The following AKAP6 variants were observed in gnomAD, a reference collection of about 807,000 sequenced individuals.
AKAP6 encodes the protein A-kinase anchoring protein 6.
In AKAP6, 58 loss-of-function variants were observed where a neutral mutation model predicts 188.5. The observed-to-expected ratio is 0.31, with a 90% CI of 0.25 to 0.38. The LOEUF is 0.38. Ranked by LOEUF, AKAP6 falls within the 10% of genes least tolerant of loss-of-function variation. The pLI is 1.00. For synonymous variants in AKAP6, 989 were observed against 998.6 expected (o/e 0.99, Z 0.18); for missense variants, 2,710 against 2,740.0 (o/e 0.99, Z 0.24).
At chr14:32,827,251 G>GA (rs1355718487) in intron 13 of AKAP6, among the ~76,000 whole-genome samples, 1 of 151,644 alleles carries the variant, frequency 6.6e-6, no homozygotes, top group African/African-American at 2.4e-5. Flanking sequence ...TTCAGAAAAA[G>GA]AAAAAGAAAA....
At chr14:32,479,759 G>A (rs983028611) in intron 2 of AKAP6, among the ~76,000 whole-genome samples, 3 of 149,286 alleles carry the variant, frequency 2.0e-5, no homozygotes, top group African/African-American at 4.9e-5. Context: ...GAGACCCCTT[G>A]CCTTTCTGTC....
At chr14:32,735,992 C>A in intron 11 of AKAP6, 110 bp downstream of exon 11, 1 of 794,260 alleles carries the variant, frequency 1.3e-6, no homozygotes, top group Non-Finnish European at 1.9e-6. Context: ...CACTGTGCAC[C>A]TAAATGTTTC....
chr14:32,648,701 T>A (rs930864354), intron 7 of AKAP6, among the ~76,000 whole-genome samples: 2 of 152,138 alleles, frequency 1.3e-5, no homozygotes, highest in African/African-American at 4.8e-5. Context: ...AAAAGCATAC[T>A]CTGTGTTTGT....
At chr14:32,565,257 A>G (rs938961877) in intron 4 of AKAP6, among the ~76,000 whole-genome samples, 1 of 152,260 alleles carries the variant, frequency 6.6e-6, no homozygotes, top group Non-Finnish European at 1.5e-5. Context: ...TTTATGATAC[A>G]TAATATCATA....
At chr14:32,769,079 C>G (rs910412184) in intron 11 of AKAP6, among the ~76,000 whole-genome samples, 3 of 71,028 alleles carry the variant, frequency 4.2e-5, no homozygotes, top group Non-Finnish European at 7.8e-5. Flanking sequence ...CAGAGTGTCA[C>G]TCTTGTAGCC....
intron 7 of AKAP6, among the ~76,000 whole-genome samples, chr14:32,621,480 A>G (rs1332212874): frequency 1.3e-5 from 2 of 151,992 alleles, no homozygotes; most frequent in Non-Finnish European, 2.9e-5. Flanking sequence ...TGTTTGTATA[A>G]TTTTAAGGGG....
intron 2 of AKAP6, among the ~76,000 whole-genome samples, chr14:32,452,011 A>ATTTT (rs61035125): frequency 3.0e-5 from 2 of 66,194 alleles, no homozygotes; most frequent in Non-Finnish European, 5.0e-5. Context: ...TTTTCTTTAC[A>ATTTT]TTTTTTTTTT....
intron 2 of AKAP6, among the ~76,000 whole-genome samples, chr14:32,475,118 T>A (rs1208722625): frequency 6.6e-6 from 1 of 152,208 alleles, no homozygotes; most frequent in East Asian, 1.9e-4. Flanking sequence ...GGTTTATGGA[T>A]GTATAATAAT....
chr14:32,498,939 A>AT (rs894278855), intron 2 of AKAP6, among the ~76,000 whole-genome samples: 43 of 146,398 alleles, frequency 2.9e-4, no homozygotes, highest in Middle Eastern at 3.6e-3. Flanking sequence ...ACCTTCAATA[A>AT]TTTTTTTTTT....
chr14:32,515,035 A>T (rs1881448151), intron 2 of AKAP6, among the ~76,000 whole-genome samples: 1 of 152,174 alleles, frequency 6.6e-6, no homozygotes, highest in Non-Finnish European at 1.5e-5. Context: ...GTCTGTTCTC[A>T]TGCTACTAAA....
chr14:32,589,267 G>A (rs1407598298), intron 5 of AKAP6, among the ~76,000 whole-genome samples: 1 of 152,182 alleles, frequency 6.6e-6, no homozygotes, highest in Non-Finnish European at 1.5e-5. Context: ...AGTCCCATTT[G>A]CTTGTCCCCC....
At chr14:32,460,545 C>G (rs1437724063) in intron 2 of AKAP6, among the ~76,000 whole-genome samples, 1 of 152,206 alleles carries the variant, frequency 6.6e-6, no homozygotes, top group Non-Finnish European at 1.5e-5. Flanking sequence ...TGTCCAGTTA[C>G]TATGCTTTTC....
At chr14:32,600,052 AG>A (rs1885860731) in intron 6 of AKAP6, among the ~76,000 whole-genome samples, 1 of 152,200 alleles carries the variant, frequency 6.6e-6, no homozygotes, top group Non-Finnish European at 1.5e-5. Context: ...AATAAAAAAT[AG>A]TTTTGTCATT....
At chr14:32,508,658 C>T (rs774655173) in intron 2 of AKAP6, among the ~76,000 whole-genome samples, 1 of 151,902 alleles carries the variant, frequency 6.6e-6, no homozygotes, top group Non-Finnish European at 1.5e-5. Flanking sequence ...GGCAGCCATA[C>T]GGAATTATGA....
At chr14:32,736,048 G>A (rs1248820148) in intron 11 of AKAP6, among the ~76,000 whole-genome samples, 166 bp downstream of exon 11, 1 of 152,114 alleles carries the variant, frequency 6.6e-6, no homozygotes, top group Non-Finnish European at 1.5e-5. Flanking sequence ...GTCTCTATGT[G>A]TATAAAGATG....
intron 1 of AKAP6, among the ~76,000 whole-genome samples, chr14:32,346,406 A>G (rs2138429175): frequency 6.6e-6 from 1 of 152,348 alleles, no homozygotes; most frequent in East Asian, 1.9e-4. Flanking sequence ...TTTCTGAGAC[A>G]GTATGTTTGT....
chr14:32,697,378 G>A (rs965437177), intron 9 of AKAP6, among the ~76,000 whole-genome samples: 1 of 152,134 alleles, frequency 6.6e-6, no homozygotes, highest in African/African-American at 2.4e-5. Context: ...ATGGGTAGCT[G>A]TCCACATTAA....
At chr14:32,483,442 A>T (rs978004522) in intron 2 of AKAP6, among the ~76,000 whole-genome samples, 1 of 151,560 alleles carries the variant, frequency 6.6e-6, no homozygotes, top group African/African-American at 2.4e-5. Context: ...GTGAAGTTTG[A>T]TTTTTTTTCT....
At chr14:32,632,473 A>AAG (rs1205325917) in intron 7 of AKAP6, among the ~76,000 whole-genome samples, 2 of 152,120 alleles carry the variant, frequency 1.3e-5, no homozygotes, top group Non-Finnish European at 2.9e-5. Context: ...TGCAAGAAAG[A>AAG]AGAGAGACCA....
Sources: allele counts gnomAD v4.1 joint callset (sites outside exome capture counted in the v4.1 genomes callset), GRCh38; gene constraint gnomAD v4.1.1; transcripts MANE v1.5; gene names NCBI Gene and HGNC (gene_info 2026-07-23, HGNC 2026-07-21).